The following SLAMF1 variants were observed in gnomAD, a reference collection of about 807,000 sequenced individuals.
SLAMF1 encodes signaling lymphocytic activation molecule.
A neutral mutation model predicts 35.1 loss-of-function variants in SLAMF1; 18 were observed. That is an observed-to-expected ratio of 0.51 (90% confidence interval 0.35 to 0.76). The LOEUF (loss-of-function observed/expected upper bound fraction) is 0.76, where lower values mean the gene tolerates loss of function less well. Among genes scored for constraint, SLAMF1 ranks in the 30% least tolerant of loss-of-function variants. The pLI, the probability that SLAMF1 is intolerant of heterozygous loss-of-function variation, is 0.01. For synonymous variants in SLAMF1, 168 were observed against 157.2 expected (o/e 1.07, Z -0.51); for missense variants, 392 against 413.0 (o/e 0.95, Z 0.44).
At position 160,625,254 on chromosome 1, in the gene SLAMF1, T is replaced by C. The variant is rs563606804; in HGVS notation, c.701-1069A>G. ...AGAATATTCGCACTAAGGTTCTAAA[T>C]AGAGTAACACCAGATGTTAACATTA... On this transcript the variant is annotated intron_variant, in intron 3 of 6. Coordinates refer to ENST00000302035, the MANE Select transcript of SLAMF1 (RefSeq NM_003037.5). Among the ~76,000 whole-genome samples the C allele has an allele frequency of 2.0e-5, 3 of 152,280 alleles. No homozygotes were observed. In the South Asian group the frequency reaches 6.2e-4, roughly 32 times the overall value.
intron 3 of SLAMF1, among the ~76,000 whole-genome samples, chr1:160,630,251 G>T (rs1660097216): frequency 6.6e-6 from 1 of 152,106 alleles, no homozygotes; most frequent in Non-Finnish European, 1.5e-5. Flanking sequence ...CCTAAGAATT[G>T]GACTTTGCAA....
rs916815697 is a variant in SLAMF1 at position 160,624,249 on chromosome 1, T to C, written c.701-64A>G. On this transcript the variant is annotated intron_variant, in intron 3 of 6. Transcript: ENST00000302035. Reference sequence around the variant, plus strand: ...ATTCTGAGCTTAAAAACATCTTACATGAAAGTGGGATAATGGAGCCTCATG... The same window carrying C: ...ATTCTGAGCTTAAAAACATCTTACACGAAAGTGGGATAATGGAGCCTCATG... 3.5e-5 allele frequency: 39 copies of C among 1,129,172 alleles called. No homozygotes were observed. In the African/African-American group the frequency reaches 3.6e-4, roughly 10 times the overall value. 69.9% of individuals were successfully genotyped at this position (1,129,172 alleles called of 1,614,324 possible).
chr1:160,640,359 T>TATACACAC (rs1361053277), intron 1 of SLAMF1, among the ~76,000 whole-genome samples: 1 of 122,474 alleles, frequency 8.2e-6, no homozygotes, highest in African/African-American at 3.3e-5. Flanking sequence ...TATATATATA[T>TATACACAC]ACACACACAC....
At chr1:160,646,849 A>T in intron 1 of SLAMF1, 21 bp downstream of exon 1, 2 of 1,439,228 alleles carry the variant, frequency 1.4e-6, no homozygotes, top group Non-Finnish European at 2.0e-6. Context: ...GACTCAAACC[A>T]TCAGGCAGAT....
chr1:160,623,400 G>A, intron 4 of SLAMF1: 2 of 396,244 alleles, frequency 5.0e-6, no homozygotes, highest in Non-Finnish European at 8.9e-6. Flanking sequence ...AGAGTGCTGA[G>A]GTAAGGGCTT....
intron 3 of SLAMF1, among the ~76,000 whole-genome samples, chr1:160,626,747 G>A (rs1255725281): frequency 1.3e-5 from 2 of 151,994 alleles, no homozygotes; most frequent in African/African-American, 4.8e-5. Flanking sequence ...TGATGTCAAA[G>A]CCCTTTTGAC....
chr1:160,618,334 T>C (rs1659422287), intron 5 of SLAMF1, among the ~76,000 whole-genome samples: 1 of 152,124 alleles, frequency 6.6e-6, no homozygotes, highest in African/African-American at 2.4e-5. Context: ...TAATGTGTTG[T>C]GTATTTTTTT....
rs1193675470 is a variant in SLAMF1, at chr1:160,610,126, AC to A, written c.*621del. The A allele has an allele frequency of 2.9e-6, 1 of 340,010 alleles. No homozygotes were observed. Among genetic ancestry groups the A allele is most frequent in the African/African-American group, 2.2e-5 (1 of 46,126 alleles). 21.1% of individuals were successfully genotyped at this position (340,010 alleles called of 1,614,324 possible). A position where few individuals can be genotyped will look rare whatever the true frequency, so the allele number is the denominator to read the frequency against. On this transcript the variant is annotated 3_prime_UTR_variant, in exon 7 of 7. Coordinates refer to ENST00000302035, the MANE Select transcript of SLAMF1 (RefSeq NM_003037.5). ...TCAAAATCATTCTTTCTGTTTATTG[AC>A]TTTTTAGCTTCTGGGTTTTGCAAAT...
chr1:160,623,132 G>A (rs921658375), intron 4 of SLAMF1, among the ~76,000 whole-genome samples: 10 of 152,108 alleles, frequency 6.6e-5, no homozygotes, highest in Non-Finnish European at 1.2e-4. Context: ...AGAGTATGGC[G>A]TAGGATCCCA....
intron 1 of SLAMF1, among the ~76,000 whole-genome samples, chr1:160,643,348 G>A (rs960533341): frequency 1.3e-5 from 2 of 152,144 alleles, no homozygotes; most frequent in African/African-American, 4.8e-5. Flanking sequence ...GATGGCACAA[G>A]CTTATGCTGG....
At chr1:160,611,144 G>A (rs1024452367) in intron 6 of SLAMF1, among the ~76,000 whole-genome samples, 1 of 152,210 alleles carries the variant, frequency 6.6e-6, no homozygotes, top group African/African-American at 2.4e-5. Context: ...AATCTGGGAA[G>A]CCAAGAGAGT....
At chr1:160,640,645 A>G (rs1421182022) in intron 1 of SLAMF1, among the ~76,000 whole-genome samples, 1 of 152,062 alleles carries the variant, frequency 6.6e-6, no homozygotes, top group African/African-American at 2.4e-5. Flanking sequence ...CTTGTCACCA[A>G]AATACCCCGA....
intron 6 of SLAMF1, 43 bp downstream of exon 6, chr1:160,612,445 A>C: frequency 1.5e-6 from 2 of 1,315,590 alleles, no homozygotes; most frequent in Non-Finnish European, 2.1e-6. Context: ...CCCCTCCTTC[A>C]TGTATTCCCT....
chr1:160,638,574 C>A (rs1303905819), intron 1 of SLAMF1, among the ~76,000 whole-genome samples: 2 of 152,104 alleles, frequency 1.3e-5, no homozygotes, highest in South Asian at 4.1e-4. Flanking sequence ...CCCCAGATAC[C>A]TCTCCATTTC....
chr1:160,622,783 C>G (rs1021148224), intron 4 of SLAMF1, among the ~76,000 whole-genome samples: 9 of 152,142 alleles, frequency 5.9e-5, no homozygotes, highest in South Asian at 2.1e-4. Flanking sequence ...ATGCCTATAC[C>G]CACATTCTTT....
chr1:160,646,564 C>G lies in SLAMF1; in HGVS notation c.76+306G>C, dbSNP rs563132898. ...AGATGCCCATGTAAAACCAACCACT[C>G]AAGCAAGACTTCTACCAGGGCCTGT... On this transcript the variant is annotated intron_variant, in intron 1 of 6. Coordinates refer to ENST00000302035, the MANE Select transcript of SLAMF1 (RefSeq NM_003037.5). 2.0e-5 allele frequency among the ~76,000 whole-genome samples: 3 copies of G among 152,314 alleles called. No individual in the cohort carries two copies. In the East Asian group the frequency reaches 5.8e-4, roughly 29 times the overall value.
rs1660322328 is a variant in SLAMF1, at chr1:160,634,509, T to C, written c.700+104A>G. ...TGCAAACTATAAAGAAAATGTAAAGTATTGTTACTAAGGTGAATGCCATGG... is the reference window on the plus strand; with the variant it reads ...TGCAAACTATAAAGAAAATGTAAAGCATTGTTACTAAGGTGAATGCCATGG... On this transcript the variant is annotated intron_variant, in intron 3 of 6. Transcript: ENST00000302035. 3 of 1,423,152 alleles carry C rather than the reference T, an allele frequency of 2.1e-6. No homozygotes were observed. The Admixed American group carries it at 7.1e-5, about 34-fold the overall frequency. 88.2% of individuals were successfully genotyped at this position (1,423,152 alleles called of 1,614,324 possible).
At chr1:160,619,664 A>G in intron 5 of SLAMF1, 112 bp downstream of exon 5, 6 of 768,498 alleles carry the variant, frequency 7.8e-6, no homozygotes, top group South Asian at 7.3e-5. Context: ...CCTGTTCCCT[A>G]CCTTCCTCTG....
At chr1:160,625,847 G>GTATGTGTGTA (rs71574361) in intron 3 of SLAMF1, among the ~76,000 whole-genome samples, 4 of 148,132 alleles carry the variant, frequency 2.7e-5, no homozygotes, top group African/African-American at 1.0e-4. Context: ...GTGTGTGTGT[G>GTATGTGTGTA]TGTGTGTATG....
Sources: gnomAD v4.1 joint callset for allele counts (sites outside exome capture counted in the v4.1 genomes callset) on GRCh38, gnomAD v4.1.1 for gene constraint, MANE v1.5 for transcripts, NCBI Gene and HGNC (gene_info 2026-07-23, HGNC 2026-07-21) for gene names.